The following PDXDC1 variants were observed in gnomAD, a reference collection of about 807,000 sequenced individuals.
PDXDC1 encodes the protein pyridoxal dependent decarboxylase domain containing 1.
Under a neutral mutation model 100.1 loss-of-function variants are expected in PDXDC1, and 42 were observed. That is an observed-to-expected ratio of 0.42 (90% CI 0.33 to 0.54). The LOEUF (loss-of-function observed/expected upper bound fraction) is 0.54. Ranked by LOEUF, PDXDC1 falls within the 20% of genes least tolerant of loss-of-function variation. The probability of loss-of-function intolerance (pLI) is 0.10; values close to 1 mark genes in which losing one functional copy is unlikely to be tolerated. For missense variants in PDXDC1, 636 were observed against 979.2 expected (o/e 0.65, Z 4.68); for synonymous variants, 260 against 371.7 (o/e 0.70, Z 3.46).
chr16:15,147,336 G>C, the PDXDC1 span, among the ~76,000 whole-genome samples: 3 of 152,218 alleles, frequency 2.0e-5, no homozygotes, highest in Non-Finnish European at 2.9e-5. Context: ...TGCGGCTGCA[G>C]GGGTCTGCCC....
At chr16:15,079,872 C>A (rs55862559) in intron 16 of PDXDC1, 1 of 1,117,032 alleles carries the variant, frequency 9.0e-7, no homozygotes, top group Non-Finnish European at 1.2e-6. Context: ...GCTGGGAATA[C>A]AGGCGTGAGT....
At chr16:15,044,098 T>G (rs117498345) in intron 16 of PDXDC1, among the ~76,000 whole-genome samples, 2 of 152,312 alleles carry the variant, frequency 1.3e-5, no homozygotes, top group Non-Finnish European at 2.9e-5. Context: ...TTTTGGAATG[T>G]GTTCACTGCT....
intron 8 of PDXDC1, among the ~76,000 whole-genome samples, chr16:15,011,325 G>C (rs2041243047): frequency 6.6e-6 from 1 of 152,288 alleles, no homozygotes; most frequent in Non-Finnish European, 1.5e-5. Flanking sequence ...TTTTCCATCA[G>C]TGGTCTTAGA....
chr16:15,012,889 A>G (rs2041443396), intron 8 of PDXDC1, among the ~76,000 whole-genome samples: 2 of 152,094 alleles, frequency 1.3e-5, no homozygotes, highest in Admixed American at 6.5e-5. Flanking sequence ...ATATAATGTC[A>G]GGCCAGGCAC....
At chr16:15,040,643 G>C (rs371746675), downstream of PDXDC1, among the ~76,000 whole-genome samples, 1 of 152,114 alleles carries the variant, frequency 6.6e-6, no homozygotes, top group East Asian at 1.9e-4. Context: ...ACACTTTGGA[G>C]GATTTCTGTT....
chr16:15,091,361 T>C (rs2046123748), intron 16 of PDXDC1: 9 of 1,590,608 alleles, frequency 5.7e-6, no homozygotes, highest in African/African-American at 2.7e-5. Context: ...CTCAAAGTCA[T>C]TTGTTTCACC....
rs966782538 is a variant in PDXDC1 at position 15,037,810 on chromosome 16, G to T, written c.*1535G>T. ...GTTATTACCGACCAAAAAAAAAACTGGACATCAATTTTTTAGTAAACCAAA... is the reference window on the plus strand; with the variant it reads ...GTTATTACCGACCAAAAAAAAAACTTGACATCAATTTTTTAGTAAACCAAA... On this transcript the variant is annotated 3_prime_UTR_variant, in exon 23 of 23. Coordinates refer to ENST00000396410, the MANE Select transcript of PDXDC1 (RefSeq NM_015027.4). The T allele has an allele frequency of 4.5e-6, 2 of 443,632 alleles. No homozygotes were observed. The highest frequency in any genetic ancestry group is 4.0e-6 in the Non-Finnish European group (1 of 252,272). The allele number at this position is 443,632 out of a possible 1,614,324, so 27.5% of individuals were successfully genotyped here. A position where few individuals can be genotyped will look rare whatever the true frequency, so the allele number is the denominator to read the frequency against.
At chr16:15,076,563 T>G (rs779991666) in intron 16 of PDXDC1, 1 of 1,606,600 alleles carries the variant, frequency 6.2e-7, no homozygotes, top group African/African-American at 1.3e-5. Flanking sequence ...CTAACCATAT[T>G]AAACAATCCT....
chr16:15,028,924 A>G lies in PDXDC1; in HGVS notation c.1251A>G (p.Gly417=). The change falls in exon 15 of 23, where the codon GGA becomes GGG. Residue 417 remains glycine (G), a synonymous_variant. Coordinates refer to ENST00000396410, the MANE Select transcript of PDXDC1 (RefSeq NM_015027.4). ...AVPVPNMTPS[G]VGRERHSCDA... is the part of the protein sequence containing the mutation. ...CAGTGCCCAACATGACACCTTCAGG[A>G]GTCGGCCGGGAGAGGCACTCGTGTG... The G allele has an allele frequency of 1.2e-6, 2 of 1,613,870 alleles. No homozygotes were observed. The highest frequency in any genetic ancestry group is 1.7e-6 in the Non-Finnish European group (2 of 1,180,034).
rs561660377 is a variant in PDXDC1, at chr16:15,024,083, A to G, written c.1140+1329A>G. The stretch of plus-strand genomic sequence containing the variant: ...CCCTTATTCTCAAATTGGGGGACCC[A>G]GTGGTGCTAGTTAATCACCAGTTGT... On this transcript the variant is annotated intron_variant, in intron 13 of 22. Transcript: ENST00000396410. Among the ~76,000 whole-genome samples the G allele has an allele frequency of 5.6e-3, 860 of 152,348 alleles. 5 individuals are homozygous for G. Among genetic ancestry groups the G allele is most frequent in the African/African-American group, 0.02 (832 of 41,552 alleles).
chr16:14,983,132 C>T (rs1461964762), intron 1 of PDXDC1, among the ~76,000 whole-genome samples: 1 of 152,198 alleles, frequency 6.6e-6, no homozygotes, highest in Non-Finnish European at 1.5e-5. Context: ...TCCTAAAAGT[C>T]CCCCAAATAA....
At chr16:15,087,712 T>G (rs564749466) in intron 16 of PDXDC1, among the ~76,000 whole-genome samples, 1 of 152,244 alleles carries the variant, frequency 6.6e-6, no homozygotes, top group Non-Finnish European at 1.5e-5. Flanking sequence ...CAAAGGCATG[T>G]AGAAAACAAG....
At chr16:15,070,205 G>C (rs763488968) in intron 16 of PDXDC1, 1 of 1,606,668 alleles carries the variant, frequency 6.2e-7, no homozygotes, top group South Asian at 1.1e-5. Flanking sequence ...TGGTTATTAA[G>C]GTATATGTGC....
At chr16:15,101,305 C>A (rs1313710213) in intron 16 of PDXDC1, among the ~76,000 whole-genome samples, 1 of 152,132 alleles carries the variant, frequency 6.6e-6, no homozygotes, top group Non-Finnish European at 1.5e-5. Context: ...CAGATAGGCA[C>A]GGTCTTTTTT....
intron 16 of PDXDC1, chr16:15,048,125 T>A: frequency 6.8e-7 from 1 of 1,460,174 alleles, no homozygotes; most frequent in Non-Finnish European, 9.5e-7. Context: ...AAAAATAAAA[T>A]AGTGATGTAA....
intron 8 of PDXDC1, among the ~76,000 whole-genome samples, chr16:15,011,105 A>G (rs1193384951): frequency 6.6e-6 from 1 of 152,304 alleles, no homozygotes; most frequent in African/African-American, 2.4e-5. Flanking sequence ...TAGAAATACA[A>G]GGGATCTAGG....
Position 15,083,564 on chromosome 16 carries a change from C to T in PDXDC1, c.1399+53508C>T. ...ATGGAAATTTTTCCACCAGTATTGG[C>T]ATGAGAAACCACGGTGTCCTATTTT... On this transcript the variant is annotated intron_variant, in intron 16 of 16. Transcript: ENST00000535621. 3 of 1,608,896 alleles carry T rather than the reference C, an allele frequency of 1.9e-6. No individual in the cohort carries two copies. The African/African-American group carries it at 4.0e-5, about 22-fold the overall frequency.
chr16:15,132,780 G>A, intron 16 of PDXDC1: 1 of 1,208,082 alleles, frequency 8.3e-7, no homozygotes, highest in Non-Finnish European at 1.2e-6. Context: ...TGGACCCTCA[G>A]GGACACCAGA....
intron 16 of PDXDC1, chr16:15,133,769 C>A (rs2048219603): frequency 8.8e-6 from 14 of 1,586,390 alleles, no homozygotes; most frequent in Non-Finnish European, 9.4e-6. Flanking sequence ...GATCCCGCTG[C>A]TCCCCCTAAG....
Sources: gnomAD v4.1 joint callset for allele counts (sites outside exome capture counted in the v4.1 genomes callset) on GRCh38, gnomAD v4.1.1 for gene constraint, MANE v1.5 for transcripts, NCBI Gene and HGNC (gene_info 2026-07-23, HGNC 2026-07-21) for gene names.